Variants in AK8 observed in about 807,000 individuals in gnomAD.
The protein encoded by AK8 is adenylate kinase 8.
Under a neutral mutation model 54.6 loss-of-function variants are expected in AK8, and 44 were observed. The observed-to-expected ratio is 0.81, with a 90% CI of 0.63 to 1.04. The LOEUF is 1.04. Ranked by LOEUF, AK8 falls within the 50% of genes least tolerant of loss-of-function variation. The pLI is 0.00. For missense variants in AK8, 555 were observed against 613.6 expected (o/e 0.90, Z 1.01); for synonymous variants, 239 against 245.6 (o/e 0.97, Z 0.25).
Position 132,832,554 on chromosome 9 carries a change from T to C in AK8, c.403-3828A>G, listed in dbSNP as rs543566781. On this transcript the variant is annotated intron_variant, in intron 5 of 12. Coordinates refer to ENST00000298545, the MANE Select transcript of AK8 (RefSeq NM_152572.3). ...TGAGCCCATTGATTGCTGCTTCTAG[T>C]ACAAGGGCTGGCAATTCTGTTTTAG... 2.0e-5 allele frequency among the ~76,000 whole-genome samples: 3 copies of C among 152,356 alleles called. No homozygotes were observed. The East Asian group carries it at 5.8e-4, about 29-fold the overall frequency.
chr9:132,791,490 A>T lies in AK8; in HGVS notation c.1121+1144T>A, dbSNP rs565130013. Among the ~76,000 whole-genome samples the T allele has an allele frequency of 6.6e-6, 1 of 152,204 alleles. No homozygotes were observed. The highest frequency in any genetic ancestry group is 2.1e-4 in the South Asian group (1 of 4,832). On this transcript the variant is annotated intron_variant, in intron 11 of 12. Transcript: ENST00000298545. This position sits in a 1 kb window ranked among gnomAD's most constrained non-coding sequence, Gnocchi z 4.0. ...CAATGGCAGTTTCTTTTTGTACATG[A>T]TAAAATCATTATAGTGCTCGTTTGG...
At chr9:132,832,035 C>A (rs905040739) in intron 5 of AK8, among the ~76,000 whole-genome samples, 1 of 129,152 alleles carries the variant, frequency 7.7e-6, no homozygotes. Context: ...GCACTCCTGC[C>A]TGGGTGACAC....
intron 11 of AK8, among the ~76,000 whole-genome samples, chr9:132,761,411 T>C (rs764666435): frequency 2.6e-5 from 4 of 152,008 alleles, no homozygotes; most frequent in Non-Finnish European, 4.4e-5. Flanking sequence ...TAGAGGCATG[T>C]GCCACCATGC....
chr9:132,734,208 C>T (rs1413156857), intron 11 of AK8, among the ~76,000 whole-genome samples: 7 of 152,172 alleles, frequency 4.6e-5, no homozygotes, highest in South Asian at 2.1e-4. Context: ...ACCCCTTCCC[C>T]CAAGAGCTAC....
chr9:132,874,157 C>T (rs1333266367), intron 2 of AK8, among the ~76,000 whole-genome samples: 1 of 152,178 alleles, frequency 6.6e-6, no homozygotes, highest in Non-Finnish European at 1.5e-5. Context: ...TTTTTGTTGG[C>T]CCTTTGTGGG....
rs1411449545 is a variant in AK8 at position 132,727,524 on chromosome 9, G to A, written c.1132C>T (p.Leu378=). The part of the protein sequence containing the change: ...LGYNPNRVFF[L]NVPFDSIMER... ...ATGATGGAATCAAATGGCACATTCA[G>A]GAAAAACACCCTATAAGGAAATAAA... is the stretch of plus-strand genomic sequence containing the variant. Residue 378 remains leucine, a synonymous_variant, in exon 12 of 13, where the codon CTG becomes TTG. Coordinates refer to ENST00000298545, the MANE Select transcript of AK8 (RefSeq NM_152572.3). 1.2e-6 allele frequency: 2 copies of A among 1,613,756 alleles called. No homozygotes were observed. Among genetic ancestry groups the A allele is most frequent in the Non-Finnish European group, 1.7e-6 (2 of 1,179,744 alleles).
At chr9:132,761,830 C>G (rs1250184277) in intron 11 of AK8, among the ~76,000 whole-genome samples, 1 of 150,978 alleles carries the variant, frequency 6.6e-6, no homozygotes, top group African/African-American at 2.4e-5. Context: ...CTCTCCCTCT[C>G]TCTCTCTTTC....
intron 11 of AK8, among the ~76,000 whole-genome samples, chr9:132,751,757 G>A (rs1484720077): frequency 4.6e-5 from 7 of 151,866 alleles, no homozygotes; most frequent in African/African-American, 9.7e-5. Context: ...TTGTGAACAC[G>A]GGTTCATGGT....
In AK8 at chr9:132,827,464, A is replaced by G. The variant is rs73660277; in HGVS notation, c.557-410T>C. 1,476 of 232,050 alleles carry G rather than the reference A, an allele frequency of 6.4e-3. 19 individuals carry two copies. The highest frequency in any genetic ancestry group is 0.031 in the African/African-American group (1,365 of 44,314). The allele number at this position is 232,050 out of a possible 1,614,324, so 14.4% of individuals were successfully genotyped here. ...CAGCCAGAAAGGGACAGAGTTAGGG[A>G]TCCACAAACCCAGCTCTATCTGCCA... On this transcript the variant is annotated intron_variant, in intron 7 of 12. Transcript: ENST00000298545.
At chr9:132,863,886 A>G in intron 3 of AK8, 108 bp from the exon 4 acceptor site, 1 of 830,202 alleles carries the variant, frequency 1.2e-6, no homozygotes, top group Non-Finnish European at 1.9e-6. Flanking sequence ...AAGGTTGGCC[A>G]TGGGGAAGCA....
intron 10 of AK8, 104 bp from the exon 11 acceptor site, chr9:132,792,879 T>G (rs540370188): frequency 1.6e-5 from 23 of 1,404,336 alleles, no homozygotes; most frequent in Non-Finnish European, 2.0e-5. Flanking sequence ...AAGAAGTGGG[T>G]CTAGGTGGAG....
chr9:132,835,503 A>G (rs1369276183), intron 5 of AK8, among the ~76,000 whole-genome samples: 2 of 152,182 alleles, frequency 1.3e-5, no homozygotes, highest in East Asian at 3.8e-4. Context: ...CTGTCTAGAA[A>G]CAAGATTAGC....
intron 5 of AK8, among the ~76,000 whole-genome samples, chr9:132,849,952 G>A (rs1842905049): frequency 6.6e-6 from 1 of 151,926 alleles, no homozygotes; most frequent in Non-Finnish European, 1.5e-5. Flanking sequence ...TCACCATGTT[G>A]GCCAGGCTGG....
intron 11 of AK8, among the ~76,000 whole-genome samples, chr9:132,762,307 T>A (rs1035576348): frequency 6.6e-6 from 1 of 152,200 alleles, no homozygotes; most frequent in African/African-American, 2.4e-5. Context: ...ACTCTTTGAG[T>A]TTAGTAATTT....
rs1324626190 is a variant in AK8 at position 132,725,852 on chromosome 9, C to T, written c.1276G>A (p.Glu426Lys). Residue 426 changes from glutamate to lysine, a missense_variant, in exon 13 of 13, where the codon GAA becomes AAA. Glu to Lys is a moderately conservative substitution (Grantham distance 56). Transcript: ENST00000298545. ...ARLLQNPKDA[E>K]EQVKLKMDLF... ...TCCATTTTCAGCTTGACCTGCTCTT[C>T]AGCATCCTTTGGGTTCTGCAGGAGG... 1.2e-6 allele frequency: 2 copies of T among 1,610,078 alleles called. No homozygotes were observed. The highest frequency in any genetic ancestry group is 8.5e-7 in the Non-Finnish European group (1 of 1,178,752).
At chr9:132,788,673 AAAAG>A (rs1294342463) in intron 11 of AK8, among the ~76,000 whole-genome samples, 2 of 152,228 alleles carry the variant, frequency 1.3e-5, no homozygotes, top group African/African-American at 2.4e-5. Context: ...ATTGCACAAG[AAAAG>A]AGAGAAATTC....
At chr9:132,841,552 C>T (rs1449221678) in intron 5 of AK8, among the ~76,000 whole-genome samples, 1 of 152,154 alleles carries the variant, frequency 6.6e-6, no homozygotes, top group African/African-American at 2.4e-5. Flanking sequence ...TGGCACAAAC[C>T]TGCCGAGTCC....
At position 132,781,269 on chromosome 9, in the gene AK8, A is replaced by G. The variant is rs1461016240; in HGVS notation, c.1121+11365T>C. On this transcript the variant is annotated intron_variant, in intron 11 of 12. Coordinates refer to ENST00000298545, the MANE Select transcript of AK8 (RefSeq NM_152572.3). This position sits in a 1 kb window ranked among gnomAD's most constrained non-coding sequence, Gnocchi z 4.6. The stretch of plus-strand genomic sequence containing the variant: ...TTTTTTCCTTCTTTTCGACAGATCA[A>G]TTACTTGGTTTGTTTCCCTTACTGT... Among the ~76,000 whole-genome samples the G allele has an allele frequency of 6.6e-6, 1 of 151,862 alleles. No individual in the cohort carries two copies. The highest frequency in any genetic ancestry group is 2.4e-5 in the African/African-American group (1 of 41,318).
intron 5 of AK8, among the ~76,000 whole-genome samples, chr9:132,846,987 G>A (rs1179942550): frequency 6.6e-6 from 1 of 152,206 alleles, no homozygotes; most frequent in Non-Finnish European, 1.5e-5. Context: ...GGCTTCTCCC[G>A]GGCCGAGATA....
Sources: allele counts gnomAD v4.1 joint callset (sites outside exome capture counted in the v4.1 genomes callset), GRCh38; gene constraint gnomAD v4.1.1; non-coding constraint Gnocchi (gnomAD v3.1); transcripts MANE v1.5; gene names NCBI Gene and HGNC (gene_info 2026-07-23, HGNC 2026-07-21).